Variants in DAB1 observed in about 807,000 individuals in gnomAD.
The protein encoded by DAB1 is DAB adaptor protein 1.
DAB1 carries 15 observed loss-of-function variants against 64.6 expected under a neutral mutation model. That is an observed-to-expected ratio of 0.23 (90% confidence interval 0.16 to 0.36). The LOEUF (loss-of-function observed/expected upper bound fraction) is 0.36. DAB1 is among the 10% of genes least tolerant of loss of function. The pLI, the probability that DAB1 is intolerant of heterozygous loss-of-function variation, is 1.00. For synonymous variants in DAB1, 235 were observed against 251.9 expected, an observed-to-expected ratio of 0.93 and a Z score of 0.64; for missense variants, 596 against 706.7, an observed-to-expected ratio of 0.84 and a Z score of 1.78.
At chr1:57,045,279 A>G (rs1395251117) in intron 9 of DAB1, among the ~76,000 whole-genome samples, 1 of 152,228 alleles carries the variant, frequency 6.6e-6, no homozygotes, top group Non-Finnish European at 1.5e-5. Flanking sequence ...TGGCCAGATC[A>G]TAGTATAAGG....
intron 1 of DAB1, among the ~76,000 whole-genome samples, chr1:57,844,164 A>G (rs1653174997): frequency 6.6e-6 from 1 of 152,230 alleles, no homozygotes; most frequent in Non-Finnish European, 1.5e-5. Context: ...AGGGAGGATT[A>G]CTCAGCCTAC....
chr1:58,175,330 A>G (rs1656408455), intron 4 of DAB1, among the ~76,000 whole-genome samples: 1 of 152,174 alleles, frequency 6.6e-6, no homozygotes. Flanking sequence ...ACCGGAAGGA[A>G]GAAACTCTGG....
intron 3 of DAB1, among the ~76,000 whole-genome samples, chr1:58,391,367 G>C (rs926035074): frequency 2.0e-5 from 3 of 152,258 alleles, no homozygotes; most frequent in African/African-American, 7.2e-5. Context: ...TTGGAAGCCA[G>C]CTGGCAGAAG....
chr1:57,989,960 A>G lies in DAB1; in HGVS notation n.388-105798T>C, dbSNP rs372073586. Among the ~76,000 whole-genome samples the G allele has an allele frequency of 7.9e-4, 120 of 152,224 alleles. 4 individuals carry two copies. The South Asian group carries it at 0.025, about 31-fold the overall frequency. On this transcript the variant is annotated intron_variant and non_coding_transcript_variant, in intron 5 of 20. Coordinates refer to the DAB1 transcript ENST00000485760. Reference sequence around the variant, plus strand: ...AAAATTCAGAGTATTGGTTGGAAAGAGGTAAATCAGGCACCATTTCTCCAT... The same window carrying G: ...AAAATTCAGAGTATTGGTTGGAAAGGGGTAAATCAGGCACCATTTCTCCAT...
At chr1:58,216,442 G>T (rs1658859633) in intron 4 of DAB1, among the ~76,000 whole-genome samples, 1 of 152,092 alleles carries the variant, frequency 6.6e-6, no homozygotes, top group Non-Finnish European at 1.5e-5. Flanking sequence ...ATGGGCATTT[G>T]GGTTGGTTCC....
chr1:57,970,382 G>T (rs189317640), intron 5 of DAB1, among the ~76,000 whole-genome samples: 4 of 152,002 alleles, frequency 2.6e-5, no homozygotes, highest in Admixed American at 2.6e-4. Context: ...GGTCAGCTTT[G>T]CCAGTGGGGG....
chr1:57,627,553 T>C (rs2101623901), intron 7 of DAB1, among the ~76,000 whole-genome samples: 1 of 152,348 alleles, frequency 6.6e-6, no homozygotes, highest in Non-Finnish European at 1.5e-5. Flanking sequence ...TGTTTAGTAC[T>C]AGACAACTTG....
At chr1:57,336,302 T>A (rs528905260) in intron 1 of DAB1, among the ~76,000 whole-genome samples, 3 of 152,318 alleles carry the variant, frequency 2.0e-5, no homozygotes, top group Admixed American at 1.3e-4. Flanking sequence ...GAAATTAAAA[T>A]GACACTCTGA....
rs868311705 is a variant in DAB1 at position 57,014,747 on chromosome 1, A to G, written c.1444+136T>C. The G allele has an allele frequency of 8.6e-5, 53 of 614,594 alleles. No individual in the cohort carries two copies. In the African/African-American group the frequency reaches 9.5e-4, roughly 11 times the overall value. 38.1% of individuals were successfully genotyped at this position (614,594 alleles called of 1,614,324 possible). A position where few individuals can be genotyped will look rare whatever the true frequency, so the allele number is the denominator to read the frequency against. On this transcript the variant is annotated intron_variant, in intron 12 of 14. Coordinates refer to ENST00000371236, the MANE Select transcript of DAB1 (RefSeq NM_001365792.1). ...ATCTAAATTGGCAGCTCATAGTAGT[A>G]TTACTAGTAATAATAATATAAACAA...
chr1:57,484,419 A>G (rs1055359308), intron 7 of DAB1, among the ~76,000 whole-genome samples: 2 of 152,232 alleles, frequency 1.3e-5, no homozygotes, highest in Non-Finnish European at 2.9e-5. Flanking sequence ...GAGACCAGCT[A>G]TGAGCTGATG....
At chr1:57,472,962 ACCT>A in intron 7 of DAB1, among the ~76,000 whole-genome samples, 1 of 152,244 alleles carries the variant, frequency 6.6e-6, no homozygotes, top group East Asian at 1.9e-4. Flanking sequence ...GGACATAGTT[ACCT>A]CCTATTTAGT....
At chr1:58,446,943 C>T (rs750913993) in intron 3 of DAB1, among the ~76,000 whole-genome samples, 1 of 152,200 alleles carries the variant, frequency 6.6e-6, no homozygotes, top group East Asian at 1.9e-4. Context: ...CAGTTTATTC[C>T]TCCCCAAACC....
At chr1:57,113,905 G>T (rs561911324) in intron 4 of DAB1, among the ~76,000 whole-genome samples, 1 of 152,238 alleles carries the variant, frequency 6.6e-6, no homozygotes, top group African/African-American at 2.4e-5. Flanking sequence ...CTACTCCTGA[G>T]GACTATTTGA....
chr1:57,984,761 TC>T, intron 5 of DAB1, among the ~76,000 whole-genome samples: 2 of 152,178 alleles, frequency 1.3e-5, no homozygotes, highest in Non-Finnish European at 2.9e-5. Flanking sequence ...CTGAATACCC[TC>T]TCTCTCCTCT....
chr1:57,619,545 G>T lies in DAB1; in HGVS notation n.625+30047C>A, dbSNP rs746890929. ...CCTCCAATTAGCTAGGACCACAGGG[G>T]CATGCTACCAGGCCTGGCTAATTTT... On this transcript the variant is annotated intron_variant and non_coding_transcript_variant, in intron 7 of 20. Coordinates refer to the DAB1 transcript ENST00000485760. 6.6e-5 allele frequency among the ~76,000 whole-genome samples: 10 copies of T among 152,146 alleles called. No homozygotes were observed. The South Asian group carries it at 2.1e-3, about 32-fold the overall frequency.
intron 1 of DAB1, among the ~76,000 whole-genome samples, chr1:57,359,841 G>A (rs1463957363): frequency 6.6e-6 from 1 of 151,996 alleles, no homozygotes; most frequent in African/African-American, 2.4e-5. Context: ...GGCACAGAAA[G>A]ACAAATATTA....
At chr1:58,200,644 C>A (rs150931178) in intron 4 of DAB1, among the ~76,000 whole-genome samples, 4 of 152,264 alleles carry the variant, frequency 2.6e-5, no homozygotes, top group Admixed American at 2.6e-4. Context: ...CTGACTGCAG[C>A]ACTAAAAACA....
At chr1:57,774,973 TTTC>T (rs1037778677) in intron 6 of DAB1, among the ~76,000 whole-genome samples, 2 of 151,682 alleles carry the variant, frequency 1.3e-5, no homozygotes, top group African/African-American at 4.8e-5. Context: ...AAGTTTTCCA[TTTC>T]TTCTTCTATC....
intron 1 of DAB1, among the ~76,000 whole-genome samples, chr1:57,296,956 CTT>C: frequency 6.6e-6 from 1 of 152,302 alleles, no homozygotes; most frequent in Non-Finnish European, 1.5e-5. Context: ...CCAAGGGAAA[CTT>C]TGTAATTATA....
Sources: gnomAD v4.1 joint callset for allele counts (sites outside exome capture counted in the v4.1 genomes callset) on GRCh38, gnomAD v4.1.1 for gene constraint, MANE v1.5 for transcripts, NCBI Gene and HGNC (gene_info 2026-07-23, HGNC 2026-07-21) for gene names.